RBM8A: variants seen among roughly 807,000 people sequenced by gnomAD.
RBM8A encodes the protein RNA-binding protein 8A.
RBM8A carries 8 observed loss-of-function variants against 25.1 expected under a neutral mutation model. The observed-to-expected ratio is 0.32, with a 90% confidence interval of 0.19 to 0.58. The LOEUF is 0.58. Ranked by LOEUF, RBM8A falls within the 20% of genes least tolerant of loss-of-function variation. The probability of loss-of-function intolerance (pLI) is 0.88; values close to 1 mark genes in which losing one functional copy is unlikely to be tolerated. For missense variants in RBM8A, 114 were observed against 236.8 expected (o/e 0.48, Z 3.40); for synonymous variants, 66 against 80.0 (o/e 0.82, Z 0.94).
rs1362838548 is a variant in RBM8A at position 145,922,181 on chromosome 1, A to G, written c.*3701T>C. ...GGAGGCTGCAGTGAGCCAAGACTGC[A>G]CCACTGCACTCCGGCGTGGGCGGCA... On this transcript the variant is annotated 3_prime_UTR_variant, in exon 6 of 6. Coordinates refer to ENST00000583313, the MANE Select transcript of RBM8A (RefSeq NM_005105.5). 3 of 130,544 alleles carry G rather than the reference A, an allele frequency of 2.3e-5. No homozygotes were observed. The highest frequency in any genetic ancestry group is 8.6e-5 in the African/African-American group (3 of 34,818). The allele number at this position is 130,544 out of a possible 1,614,324, so 8.1% of individuals were successfully genotyped here.
Position 145,926,630 on chromosome 1 carries a change from C to G in RBM8A, c.206-12G>C, listed in dbSNP as rs1553755965. On this transcript the variant is annotated splice_polypyrimidine_tract_variant and intron_variant, in intron 3 of 5. Coordinates refer to ENST00000583313, the MANE Select transcript of RBM8A (RefSeq NM_005105.5). ...CCAGCCTTCAACAGCTGTTGGGGGA[C>G]GGGGGGAAGTTGTATGAGTACATGA... 1.1e-5 allele frequency: 18 copies of G among 1,613,692 alleles called. No individual in the cohort carries two copies. Among genetic ancestry groups the G allele is most frequent in the Non-Finnish European group, 1.5e-5 (18 of 1,179,886 alleles).
rs587608332 is a variant in RBM8A, at chr1:145,923,303, A to C, written c.*2579T>G. On this transcript the variant is annotated 3_prime_UTR_variant, in exon 6 of 6. Transcript: ENST00000583313. Reference sequence around the variant, plus strand: ...AGAGCACAAAAACAAAAACAAAAAAAAAAACTTAGAAATATATGAATGCAA... The same window carrying C: ...AGAGCACAAAAACAAAAACAAAAAACAAAACTTAGAAATATATGAATGCAA... The C allele has an allele frequency of 6.6e-5, 10 of 152,352 alleles. No homozygotes were observed. The highest frequency in any genetic ancestry group is 2.4e-4 in the African/African-American group (10 of 41,582). 9.4% of individuals were successfully genotyped at this position (152,352 alleles called of 1,614,324 possible).
chr1:145,926,303 T>A, intron 4 of RBM8A, 126 bp from the exon 5 acceptor site: 1 of 1,449,340 alleles, frequency 6.9e-7, no homozygotes, highest in East Asian at 2.3e-5. Flanking sequence ...ACATCATATA[T>A]CTCTACTGTA....
Position 145,927,450 on chromosome 1 carries a change from C to T in RBM8A, c.-24G>A, listed in dbSNP as rs1553756216. The T allele has an allele frequency of 1.2e-6, 2 of 1,603,976 alleles. No homozygotes were observed. The highest frequency in any genetic ancestry group is 3.4e-5 in the Admixed American group (2 of 58,338). On this transcript the variant is annotated 5_prime_UTR_variant, in exon 1 of 6. Coordinates refer to ENST00000583313, the MANE Select transcript of RBM8A (RefSeq NM_005105.5). ...ATCTCGCCTTCGATCGAGATCTCGT[C>T]TGTGCCGCTCAGACACTAGGTACCT...
chr1:145,923,848 G>A lies in RBM8A; in HGVS notation c.*2034C>T. The A allele has an allele frequency of 3.8e-6, 2 of 533,218 alleles. No individual in the cohort carries two copies. The highest frequency in any genetic ancestry group is 6.7e-6 in the Non-Finnish European group (2 of 300,112). The allele number at this position is 533,218 out of a possible 1,614,324, so 33.0% of individuals were successfully genotyped here. A position where few individuals can be genotyped will look rare whatever the true frequency, so the allele number is the denominator to read the frequency against. Reference sequence around the variant, plus strand: ...AAAATCATTTCAGCTAAAAATATGAGTGAGGTGGTAGAAATATCATCCCTT... The same window carrying A: ...AAAATCATTTCAGCTAAAAATATGAATGAGGTGGTAGAAATATCATCCCTT... On this transcript the variant is annotated 3_prime_UTR_variant, in exon 6 of 6. Coordinates refer to ENST00000583313, the MANE Select transcript of RBM8A (RefSeq NM_005105.5).
At chr1:145,926,331 T>C in intron 4 of RBM8A, 151 bp downstream of exon 4, 2 of 1,445,238 alleles carry the variant, frequency 1.4e-6, no homozygotes, top group Non-Finnish European at 1.9e-6. Context: ...ATCATCTCCG[T>C]TTCTGTCTCT....
chr1:145,924,741 C>T lies in RBM8A; in HGVS notation c.*1141G>A, dbSNP rs1465726003. 2.6e-6 allele frequency: 1 copy of T among 383,960 alleles called. No homozygotes were observed. The highest frequency in any genetic ancestry group is 5.3e-6 in the Non-Finnish European group (1 of 189,024). 23.8% of individuals were successfully genotyped at this position (383,960 alleles called of 1,614,324 possible). ...GCGAGCTCTGTCTCACTAGCTATGC[C>T]CCTCCATCAATTCACCCTATACTCA... On this transcript the variant is annotated 3_prime_UTR_variant, in exon 6 of 6. Transcript: ENST00000583313.
Position 145,921,822 on chromosome 1 carries a change from T to C in RBM8A, c.*4060A>G, listed in dbSNP as rs1647799341. Reference sequence around the variant, plus strand: ...TGTCAGAAGGAGGCCAAGAAGGGTCTAGGATTTATCTCTGGAATGACAATG... The same window carrying C: ...TGTCAGAAGGAGGCCAAGAAGGGTCCAGGATTTATCTCTGGAATGACAATG... On this transcript the variant is annotated 3_prime_UTR_variant, in exon 6 of 6. Transcript: ENST00000583313. 1 of 153,340 alleles carries C rather than the reference T, an allele frequency of 6.5e-6. No homozygotes were observed. Among genetic ancestry groups the C allele is most frequent in the Admixed American group, 6.5e-5 (1 of 15,288 alleles). 9.5% of individuals were successfully genotyped at this position (153,340 alleles called of 1,614,324 possible).
rs1253277168 is a variant in RBM8A at position 145,923,777 on chromosome 1, A to G, written c.*2105T>C. ...ATGGCCTGGAATTTTGGCAGCACCC[A>G]TTTTACACAATATTTCTTTTTCCAC... is the stretch of plus-strand genomic sequence containing the variant. On this transcript the variant is annotated 3_prime_UTR_variant, in exon 6 of 6. Transcript: ENST00000583313. The G allele has an allele frequency of 1.9e-6, 1 of 521,962 alleles. No homozygotes were observed. Among genetic ancestry groups the G allele is most frequent in the Admixed American group, 3.4e-5 (1 of 29,614 alleles). The allele number at this position is 521,962 out of a possible 1,614,324, so 32.3% of individuals were successfully genotyped here.
At chr1:145,926,965 AC>A (rs1648194928) in intron 2 of RBM8A, 52 bp downstream of exon 2, 1 of 1,612,994 alleles carries the variant, frequency 6.2e-7, no homozygotes, top group African/African-American at 1.3e-5. Flanking sequence ...GGACTCCAAA[AC>A]CCGTAGCTCC....
Position 145,922,874 on chromosome 1 carries a change from A to G in RBM8A, c.*3008T>C, listed in dbSNP as rs1338612968. The stretch of plus-strand genomic sequence containing the variant: ...ATGGCAATAAAACAGGATAAAGGAA[A>G]GATCAAAACAAGGCTGTGGACCAAA... On this transcript the variant is annotated 3_prime_UTR_variant, in exon 6 of 6. Transcript: ENST00000583313. The G allele has an allele frequency of 6.6e-6, 1 of 152,118 alleles. No individual in the cohort carries two copies. Among genetic ancestry groups the G allele is most frequent in the Non-Finnish European group, 1.5e-5 (1 of 68,014 alleles). The allele number at this position is 152,118 out of a possible 1,614,324, so 9.4% of individuals were successfully genotyped here.
Position 145,927,049 on chromosome 1 carries a change from C to G in RBM8A, c.96G>C (p.Ala32=), listed in dbSNP as rs1320522406. 4.3e-6 allele frequency: 7 copies of G among 1,614,022 alleles called. No individual in the cohort carries two copies. The highest frequency in any genetic ancestry group is 5.9e-6 in the Non-Finnish European group (7 of 1,180,012). The change falls in exon 2 of 6, where the codon GCG becomes GCC. Residue 32 remains alanine (A), a synonymous_variant. Coordinates refer to ENST00000583313, the MANE Select transcript of RBM8A (RefSeq NM_005105.5). ...DESIHKLKEK[A]KKRKGRGFGS... is the part of the protein sequence containing the mutation. The stretch of plus-strand genomic sequence containing the variant: ...CAAAGCCGCGACCCTTCCGTTTCTT[C>G]GCTTTTTCTTTCAGTTTGTGAATGC...
Position 145,924,386 on chromosome 1 carries a change from C to T in RBM8A, c.*1496G>A, listed in dbSNP as rs1184198143. The stretch of plus-strand genomic sequence containing the variant: ...CCATGGTGAGACTCCAATTCCCAGG[C>T]CTTAATCCTTAACCCTAGACCTGTT... On this transcript the variant is annotated 3_prime_UTR_variant, in exon 6 of 6. Transcript: ENST00000583313. 2.1e-6 allele frequency: 1 copy of T among 479,218 alleles called. No homozygotes were observed. Among genetic ancestry groups the T allele is most frequent in the Non-Finnish European group, 4.3e-6 (1 of 233,914 alleles). The allele number at this position is 479,218 out of a possible 1,614,324, so 29.7% of individuals were successfully genotyped here. A position where few individuals can be genotyped will look rare whatever the true frequency, so the allele number is the denominator to read the frequency against.
rs1648168825 is a variant in RBM8A, at chr1:145,926,537, T to C, written c.287A>G (p.Tyr96Cys). The change falls in exon 4 of 6, where the codon TAT (tyrosine) becomes TGT (cysteine). Residue 96 changes from tyrosine (Y) to cysteine (C), a missense_variant. Physicochemically the swap from Tyr to Cys is radical, Grantham distance 194. Around this residue, in one of 2 missense-constraint regions of RBM8A, gnomAD observed 102 missense variants for 182.7 expected, o/e 0.56. Transcript: ENST00000583313. ...GAGATGAATGTTTTTAATTTCCCCA[T>C]ATTCTGCGAATTTGTCGTGTATGTC... Reference protein sequence around the residue: ...EEDIHDKFAEYGEIKNIHLNL... With the variant: ...EEDIHDKFAECGEIKNIHLNL... 1.9e-6 allele frequency: 3 copies of C among 1,614,192 alleles called. No homozygotes were observed. Among genetic ancestry groups the C allele is most frequent in the Non-Finnish European group, 2.5e-6 (3 of 1,180,048 alleles).
rs1304656391 is a variant in RBM8A, at chr1:145,923,914, T to G, written c.*1968A>C. On this transcript the variant is annotated 3_prime_UTR_variant, in exon 6 of 6. Coordinates refer to ENST00000583313, the MANE Select transcript of RBM8A (RefSeq NM_005105.5). Reference sequence around the variant, plus strand: ...AGAATAGTACTTGAGAAAGCAGGATTGTTTTAAGTTCCAAGATTTAACAAA... The same window carrying G: ...AGAATAGTACTTGAGAAAGCAGGATGGTTTTAAGTTCCAAGATTTAACAAA... 5 of 588,802 alleles carry G rather than the reference T, an allele frequency of 8.5e-6. No homozygotes were observed. Among genetic ancestry groups the G allele is most frequent in the Non-Finnish European group, 1.5e-5 (5 of 327,670 alleles). The allele number at this position is 588,802 out of a possible 1,614,324, so 36.5% of individuals were successfully genotyped here.
In RBM8A at chr1:145,925,780, A is replaced by C; in HGVS notation, c.*102T>G. The C allele has an allele frequency of 7.4e-7, 1 of 1,344,492 alleles. No homozygotes were observed. Among genetic ancestry groups the C allele is most frequent in the Non-Finnish European group, 1.1e-6 (1 of 942,868 alleles). The allele number at this position is 1,344,492 out of a possible 1,614,324, so 83.3% of individuals were successfully genotyped here. A position where few individuals can be genotyped will look rare whatever the true frequency, so the allele number is the denominator to read the frequency against. ...TCAAATACTACGCATATACGGTAAG[A>C]GATTAAATATAAACACAGCAAGTTC... On this transcript the variant is annotated 3_prime_UTR_variant, in exon 6 of 6. Transcript: ENST00000583313.
chr1:145,927,381 C>G lies in RBM8A; in HGVS notation c.46G>C (p.Ala16Pro). 1 of 1,612,180 alleles carries G rather than the reference C, an allele frequency of 6.2e-7. No homozygotes were observed. The highest frequency in any genetic ancestry group is 8.5e-7 in the Non-Finnish European group (1 of 1,179,290). The change falls in exon 1 of 6, where the codon GCC (alanine) becomes CCC (proline). Residue 16 changes from alanine (A) to proline (P), a missense_variant. Coordinates refer to ENST00000583313, the MANE Select transcript of RBM8A (RefSeq NM_005105.5). Reference protein sequence around the residue: ...DLHEAGGEDFAMDEDGDESIH... With the variant: ...DLHEAGGEDFPMDEDGDESIH... The stretch of plus-strand genomic sequence containing the variant: ...TCACCGTCCCCATCCTCATCCATGG[C>G]GAAATCTTCGCCCCCAGCCTCGTGA...
At position 145,926,491 on chromosome 1, in the gene RBM8A, T is replaced by C. The variant is rs370508792; in HGVS notation, c.333A>G (p.Gly111=). 5.6e-6 allele frequency: 9 copies of C among 1,614,118 alleles called. No individual in the cohort carries two copies. The highest frequency in any genetic ancestry group is 6.8e-6 in the Non-Finnish European group (8 of 1,180,002). Residue 111 remains glycine, a synonymous_variant, in exon 4 of 6, where the codon GGA becomes GGG. Coordinates refer to ENST00000583313, the MANE Select transcript of RBM8A (RefSeq NM_005105.5). ...NIHLNLDRRT[G]YLKGYTLVEY... is the part of the protein sequence containing the mutation. ...GTGTCACTTAGGATACCTTCAGATATCCTGTTCGCCTGTCGAGGTTGAGAT... is the reference window on the plus strand; with the variant it reads ...GTGTCACTTAGGATACCTTCAGATACCCTGTTCGCCTGTCGAGGTTGAGAT...
In RBM8A at chr1:145,923,810, C is replaced by A. The variant is rs1647940754; in HGVS notation, c.*2072G>T. ...CAATATTTCTTTTTCCACAAAATAA[C>A]AGACATACCAGGAAAATCATTTCAG... is the stretch of plus-strand genomic sequence containing the variant. On this transcript the variant is annotated 3_prime_UTR_variant, in exon 6 of 6. Transcript: ENST00000583313. 3 of 536,084 alleles carry A rather than the reference C, an allele frequency of 5.6e-6. No individual in the cohort carries two copies. The highest frequency in any genetic ancestry group is 6.6e-6 in the Non-Finnish European group (2 of 302,996). 33.2% of individuals were successfully genotyped at this position (536,084 alleles called of 1,614,324 possible).
Sources: allele counts gnomAD v4.1 joint callset, GRCh38; gene constraint gnomAD v4.1.1; regional missense constraint gnomAD v4.1.1; transcripts MANE v1.5; gene names NCBI Gene and HGNC (gene_info 2026-07-23, HGNC 2026-07-21).